TXNDC5: variants seen among roughly 807,000 people sequenced by gnomAD.
TXNDC5 encodes the protein thioredoxin domain-containing protein 5.
Under a neutral mutation model 52.6 loss-of-function variants are expected in TXNDC5, and 44 were observed. The ratio of observed to expected loss-of-function variants is 0.84; its 90% CI spans 0.66 to 1.08. TXNDC5 has a LOEUF of 1.08. Among genes scored for constraint, TXNDC5 ranks in the 50% least tolerant of loss-of-function variants. The pLI, the probability that TXNDC5 is intolerant of heterozygous loss-of-function variation, is 0.00. For synonymous variants in TXNDC5, 241 were observed against 234.4 expected (o/e 1.03, Z -0.26); for missense variants, 600 against 565.5 (o/e 1.06, Z -0.62).
At chr6:7,904,941 A>G (rs935691474) in intron 1 of TXNDC5, among the ~76,000 whole-genome samples, 1 of 152,166 alleles carries the variant, frequency 6.6e-6, no homozygotes, top group African/African-American at 2.4e-5. Context: ...GCCTTGTTCC[A>G]GTATTAAACT....
In TXNDC5 at chr6:7,888,704, C is replaced by T; in HGVS notation, c.963+1G>A. 9.3e-6 allele frequency: 15 copies of T among 1,608,636 alleles called. No homozygotes were observed. The highest frequency in any genetic ancestry group is 1.1e-5 in the Non-Finnish European group (13 of 1,178,248). ...GGATCCCGACTCCAGCAGGCACCCA[C>T]CTTGTCAGCCTCGGGCTCAGCTGCC... On this transcript the variant is annotated splice_donor_variant, in intron 7 of 9. Coordinates refer to ENST00000379757, the MANE Select transcript of TXNDC5 (RefSeq NM_030810.5). LOFTEE classifies it high-confidence loss of function.
At chr6:7,897,112 A>G (rs781460392) in intron 3 of TXNDC5, among the ~76,000 whole-genome samples, 3 of 152,238 alleles carry the variant, frequency 2.0e-5, no homozygotes, top group Non-Finnish European at 2.9e-5. Context: ...CACTGACAGA[A>G]TTAGAGTTGA....
At position 7,881,840 on chromosome 6, in the gene TXNDC5, T is replaced by C. The variant is rs1759753617; in HGVS notation, c.*1304A>G. The stretch of plus-strand genomic sequence containing the variant: ...TTTGGGCCAAGTATCCACATCCCCT[T>C]GCGTATGGGAGGTGGGTGAAGAGTG... On this transcript the variant is annotated 3_prime_UTR_variant, in exon 10 of 10. Coordinates refer to ENST00000379757, the MANE Select transcript of TXNDC5 (RefSeq NM_030810.5). The C allele has an allele frequency of 6.6e-6, 1 of 152,196 alleles. No individual in the cohort carries two copies. 9.4% of individuals were successfully genotyped at this position (152,196 alleles called of 1,614,324 possible).
chr6:7,889,932 G>T (rs1370325153), intron 5 of TXNDC5, among the ~76,000 whole-genome samples: 1 of 152,176 alleles, frequency 6.6e-6, no homozygotes, highest in Admixed American at 6.5e-5. Flanking sequence ...TGGGAGGGGG[G>T]TTAGCCTGGC....
In TXNDC5 at chr6:7,881,545, G is replaced by GT. The variant is rs1200822454; in HGVS notation, c.*1598dup. 1 of 152,272 alleles carries GT rather than the reference G, an allele frequency of 6.6e-6. No individual in the cohort carries two copies. The highest frequency in any genetic ancestry group is 2.4e-5 in the African/African-American group (1 of 41,404). The allele number at this position is 152,272 out of a possible 1,614,324, so 9.4% of individuals were successfully genotyped here. A position where few individuals can be genotyped will look rare whatever the true frequency, so the allele number is the denominator to read the frequency against. On this transcript the variant is annotated 3_prime_UTR_variant, in exon 10 of 10. Coordinates refer to ENST00000379757, the MANE Select transcript of TXNDC5 (RefSeq NM_030810.5). ...TAAAAAAAAAGAGTTTATTTAGAAA[G>GT]TATCATAGTGTAAACAAACAAATTG...
At chr6:7,897,625 G>C (rs1043475485) in intron 3 of TXNDC5, among the ~76,000 whole-genome samples, 13 of 152,168 alleles carry the variant, frequency 8.5e-5, no homozygotes, top group African/African-American at 3.1e-4. Context: ...ACACTGAGGA[G>C]ACAGAAAGTC....
At chr6:7,891,820 C>G (rs1444764289) in intron 4 of TXNDC5, 84 bp from the exon 5 acceptor site, 1 of 976,938 alleles carries the variant, frequency 1.0e-6, no homozygotes, top group African/African-American at 1.6e-5. Context: ...ATTGAAGAAT[C>G]AGATCTTTGT....
At chr6:7,910,418 C>T in intron 1 of TXNDC5, 96 bp downstream of exon 1, 1 of 1,218,332 alleles carries the variant, frequency 8.2e-7, no homozygotes, top group South Asian at 2.8e-5. Context: ...CGTCGGCGTC[C>T]ACGTGGCCCC....
In TXNDC5 at chr6:7,891,676, G is replaced by T; in HGVS notation, c.677C>A (p.Thr226Asn). The T allele has an allele frequency of 6.2e-7, 1 of 1,614,032 alleles. No homozygotes were observed. The highest frequency in any genetic ancestry group is 8.5e-7 in the Non-Finnish European group (1 of 1,179,918). Residue 226 changes from threonine to asparagine, a missense_variant, in exon 5 of 10, where the codon ACC becomes AAC. By Grantham distance (65) the Thr-to-Asn change is moderately conservative. Transcript: ENST00000379757. Reference sequence around the variant, plus strand: ...AAGGCCCAGAGCCAGCTGCTCCCAGGTTGGAGCCAGGGCTTTGCAGTGACC... The same window carrying T: ...AAGGCCCAGAGCCAGCTGCTCCCAGTTTGGAGCCAGGGCTTTGCAGTGACC... Reference protein sequence around the residue: ...WCGHCKALAPTWEQLALGLEH... With the variant: ...WCGHCKALAPNWEQLALGLEH...
intron 3 of TXNDC5, among the ~76,000 whole-genome samples, chr6:7,898,142 C>A (rs2113351062): frequency 6.6e-6 from 1 of 152,138 alleles, no homozygotes; most frequent in South Asian, 2.1e-4. Flanking sequence ...CTCACTGCAA[C>A]CTCTGCCTCC....
chr6:7,903,843 G>T (rs1406814224), intron 2 of TXNDC5, among the ~76,000 whole-genome samples: 1 of 152,142 alleles, frequency 6.6e-6, no homozygotes, highest in Non-Finnish European at 1.5e-5. Flanking sequence ...CATGTGTCTT[G>T]CTATAAGCTC....
intron 1 of TXNDC5, chr6:7,909,697 C>T (rs889907232): frequency 4.6e-6 from 4 of 866,670 alleles, no homozygotes; most frequent in Non-Finnish European, 5.5e-6. Flanking sequence ...TGCAGGGGGG[C>T]GGAGGGGTTC....
rs759112159 is a variant in TXNDC5 at position 7,884,380 on chromosome 6, C to T, written c.1155G>A (p.Arg385=). ...CCACCGAATACTTGCTGCAGATATT[C>T]CGTTCAGCAGTGCAGTCTACTTCGG... ...KIAEVDCTAE[R]NICSKYSVRG... The change falls in exon 9 of 10, where the codon CGG becomes CGA. Residue 385 remains arginine (R), a synonymous_variant. Transcript: ENST00000379757. 1 of 1,614,148 alleles carries T rather than the reference C, an allele frequency of 6.2e-7. No individual in the cohort carries two copies. Among genetic ancestry groups the T allele is most frequent in the Non-Finnish European group, 8.5e-7 (1 of 1,180,006 alleles).
In TXNDC5 at chr6:7,883,071, G is replaced by A; in HGVS notation, c.*73C>T. 3 of 1,600,084 alleles carry A rather than the reference G, an allele frequency of 1.9e-6. No individual in the cohort carries two copies. Among genetic ancestry groups the A allele is most frequent in the Non-Finnish European group, 1.7e-6 (2 of 1,170,406 alleles). On this transcript the variant is annotated 3_prime_UTR_variant, in exon 10 of 10. Coordinates refer to ENST00000379757, the MANE Select transcript of TXNDC5 (RefSeq NM_030810.5). ...GAACAGCCACCACTGGGAACCCAGTGGCCTCTGTGGGACTGAACTCCTAAA... is the reference window on the plus strand; with the variant it reads ...GAACAGCCACCACTGGGAACCCAGTAGCCTCTGTGGGACTGAACTCCTAAA...
chr6:7,909,274 C>A (rs1287734185), intron 1 of TXNDC5, among the ~76,000 whole-genome samples: 2 of 152,224 alleles, frequency 1.3e-5, no homozygotes, highest in African/African-American at 4.8e-5. Context: ...AAGTGAGCCT[C>A]TACTGAGCTC....
chr6:7,897,700 C>T (rs1561811980), intron 3 of TXNDC5, among the ~76,000 whole-genome samples: 2 of 152,170 alleles, frequency 1.3e-5, no homozygotes, highest in Non-Finnish European at 2.9e-5. Context: ...GCCACCTCCA[C>T]TAAGGGAAAT....
rs544932852 is a variant in TXNDC5 at position 7,909,078 on chromosome 6, T to C, written c.263+1436A>G. On this transcript the variant is annotated intron_variant, in intron 1 of 9. Transcript: ENST00000379757. ...AATGTGAAACATAATGTACTTCATA[T>C]ACACATTGTTAATAAACCCACAGTG... 5.9e-5 allele frequency among the ~76,000 whole-genome samples: 9 copies of C among 152,350 alleles called. No homozygotes were observed. In the East Asian group the frequency reaches 1.2e-3, roughly 20 times the overall value.
At chr6:7,886,740 A>T (rs1759996832) in intron 7 of TXNDC5, among the ~76,000 whole-genome samples, 1 of 152,190 alleles carries the variant, frequency 6.6e-6, no homozygotes, top group African/African-American at 2.4e-5. Context: ...GTGTTTCTCC[A>T]AAAATGGATC....
At position 7,896,214 on chromosome 6, in the gene TXNDC5, A is replaced by C. The variant is rs377758212; in HGVS notation, c.520-1012T>G. Among the ~76,000 whole-genome samples, 4 of 152,182 alleles carry C rather than the reference A, an allele frequency of 2.6e-5. 1 individual carries two copies. Among genetic ancestry groups the C allele is most frequent in the African/African-American group, 9.7e-5 (4 of 41,442 alleles). ...GAGAGAAAACCATGGCATGAACATAAGCTGCACCTTCAAGAAAGAATGTAA... is the reference window on the plus strand; with the variant it reads ...GAGAGAAAACCATGGCATGAACATACGCTGCACCTTCAAGAAAGAATGTAA... On this transcript the variant is annotated intron_variant, in intron 3 of 9. Coordinates refer to ENST00000379757, the MANE Select transcript of TXNDC5 (RefSeq NM_030810.5).
Sources: gnomAD v4.1 joint callset for allele counts (sites outside exome capture counted in the v4.1 genomes callset) on GRCh38, gnomAD v4.1.1 for gene constraint, MANE v1.5 for transcripts, NCBI Gene and HGNC (gene_info 2026-07-23, HGNC 2026-07-21) for gene names.